The following RBFOX1 variants were observed in gnomAD, a reference collection of about 807,000 sequenced individuals.
The protein encoded by RBFOX1 is RNA binding protein fox-1 homolog 1.
Under a neutral mutation model 57.7 loss-of-function variants are expected in RBFOX1, and 8 were observed. The ratio of observed to expected loss-of-function variants is 0.14; its 90% confidence interval spans 0.08 to 0.25. RBFOX1 has a LOEUF of 0.25. Among genes scored for constraint, RBFOX1 ranks in the 10% least tolerant of loss-of-function variants. The pLI is 1.00. For missense variants in RBFOX1, 611 were observed against 548.5 expected (o/e 1.11, Z -1.14); for synonymous variants, 326 against 222.4 (o/e 1.47, Z -4.15).
At chr16:5,444,718 G>A (rs2068189248) in intron 1 of RBFOX1, among the ~76,000 whole-genome samples, 1 of 152,138 alleles carries the variant, frequency 6.6e-6, no homozygotes, top group Admixed American at 6.5e-5. Flanking sequence ...ATGAGGAAGA[G>A]AACAGTCACC....
chr16:7,137,545 G>A (rs375199629), intron 4 of RBFOX1, among the ~76,000 whole-genome samples: 1 of 152,152 alleles, frequency 6.6e-6, no homozygotes, highest in Non-Finnish European at 1.5e-5. Flanking sequence ...CCCCAGCCAC[G>A]TGGAACTGTG....
chr16:7,608,192 C>A (rs2056726243), intron 10 of RBFOX1, among the ~76,000 whole-genome samples: 1 of 152,164 alleles, frequency 6.6e-6, no homozygotes, highest in African/African-American at 2.4e-5. Context: ...TAGAGCCACT[C>A]CCTTAGTAAC....
intron 1 of RBFOX1, among the ~76,000 whole-genome samples, chr16:6,204,185 C>G (rs1024169226): frequency 1.3e-5 from 2 of 152,116 alleles, no homozygotes; most frequent in East Asian, 1.9e-4. Flanking sequence ...CTCCCCTACC[C>G]TCACCTCATC....
At chr16:6,469,032 G>A (rs1364947110) in intron 2 of RBFOX1, among the ~76,000 whole-genome samples, 1 of 151,972 alleles carries the variant, frequency 6.6e-6, no homozygotes, top group Non-Finnish European at 1.5e-5. Flanking sequence ...AGTGGTCAAG[G>A]CATTTTTTTC....
chr16:7,525,051 A>G (rs1287059515), intron 5 of RBFOX1, among the ~76,000 whole-genome samples: 1 of 152,146 alleles, frequency 6.6e-6, no homozygotes, highest in Non-Finnish European at 1.5e-5. Context: ...AGTTACTAAT[A>G]CCTTATATTT....
Position 7,702,772 on chromosome 16 carries a change from G to A in RBFOX1, c.996-6284G>A, listed in dbSNP as rs544635485. 6.6e-5 allele frequency among the ~76,000 whole-genome samples: 10 copies of A among 152,278 alleles called. No individual in the cohort carries two copies. In the South Asian group the frequency reaches 1.9e-3, roughly 28 times the overall value. Reference sequence around the variant, plus strand: ...TGTTCCAGATGCAGTTCCTCCGGATGGGCAAAAGCAACAACTCATTGGTAA... The same window carrying A: ...TGTTCCAGATGCAGTTCCTCCGGATAGGCAAAAGCAACAACTCATTGGTAA... On this transcript the variant is annotated intron_variant, in intron 14 of 15. Transcript: ENST00000550418.
intron 3 of RBFOX1, among the ~76,000 whole-genome samples, chr16:6,955,324 C>T (rs574302213): frequency 1.3e-5 from 2 of 149,464 alleles, no homozygotes; most frequent in East Asian, 2.0e-4. Flanking sequence ...TTTTCTCTTT[C>T]ACCTTTAAGC....
intron 4 of RBFOX1, among the ~76,000 whole-genome samples, chr16:7,090,752 G>A (rs540489931): frequency 2.6e-5 from 4 of 152,244 alleles, no homozygotes; most frequent in African/African-American, 9.6e-5. Flanking sequence ...ACTTGGCCAC[G>A]GTAGGAGGGG....
intron 2 of RBFOX1, among the ~76,000 whole-genome samples, chr16:6,565,838 G>A (rs938640022): frequency 2.6e-5 from 4 of 152,216 alleles, no homozygotes; most frequent in African/African-American, 9.6e-5. Flanking sequence ...GCAGCTATGT[G>A]AGGCTATCAA....
intron 3 of RBFOX1, among the ~76,000 whole-genome samples, chr16:6,657,339 C>T (rs944984983): frequency 1.3e-5 from 2 of 152,106 alleles, no homozygotes; most frequent in African/African-American, 4.8e-5. Context: ...GTTTTAGGAG[C>T]TTGCTTTATA....
chr16:6,170,885 C>G (rs906351362), intron 1 of RBFOX1, among the ~76,000 whole-genome samples: 1 of 152,144 alleles, frequency 6.6e-6, no homozygotes, highest in African/African-American at 2.4e-5. Flanking sequence ...ATAATGGCCT[C>G]CAGCTCCATC....
At chr16:6,767,950 GAAGAAGAAGAAGAAGAA>G (rs2077628114) in intron 3 of RBFOX1, among the ~76,000 whole-genome samples, 1 of 105,246 alleles carries the variant, frequency 9.5e-6, no homozygotes, top group African/African-American at 3.7e-5. Context: ...ATAATAATAA[GAAGAAGAAGAAGAAGAA>G]GAAGAAGAAG....
At chr16:7,127,456 GA>G (rs1567364525) in intron 4 of RBFOX1, among the ~76,000 whole-genome samples, 1 of 152,130 alleles carries the variant, frequency 6.6e-6, no homozygotes. Flanking sequence ...TCAAGGTAGG[GA>G]GAAATAAATA....
intron 3 of RBFOX1, among the ~76,000 whole-genome samples, chr16:6,982,061 C>T (rs762698452): frequency 1.2e-4 from 18 of 152,156 alleles, no homozygotes; most frequent in Non-Finnish European, 2.4e-4. Flanking sequence ...CGTAGTTTTT[C>T]ATGATATACT....
intron 2 of RBFOX1, among the ~76,000 whole-genome samples, chr16:6,595,818 A>G (rs1461621964): frequency 6.6e-6 from 1 of 152,184 alleles, no homozygotes. Context: ...GGCATTAAGC[A>G]TCTTTTTAAT....
At chr16:6,951,025 CCT>C (rs1171405395) in intron 3 of RBFOX1, among the ~76,000 whole-genome samples, 4 of 152,040 alleles carry the variant, frequency 2.6e-5, no homozygotes, top group African/African-American at 9.7e-5. Flanking sequence ...CCCACCTCTG[CCT>C]CTCGAGTAGG....
intron 3 of RBFOX1, among the ~76,000 whole-genome samples, chr16:5,703,078 G>A (rs2051109556): frequency 6.6e-6 from 1 of 152,156 alleles, no homozygotes; most frequent in African/African-American, 2.4e-5. Flanking sequence ...GCACTAAGAA[G>A]ATGATGATGA....
rs1491349866 is a variant in RBFOX1 at position 6,988,747 on chromosome 16, G to GTT, written c.-15-63308_-15-63307dup. The stretch of plus-strand genomic sequence containing the variant: ...ACCCAGCTAATTTTTTTTTTTGTTT[G>GTT]TTTGTTTTTTGTTTTTTGTTTTTTG... On this transcript the variant is annotated intron_variant, in intron 3 of 15. Transcript: ENST00000550418. Among the ~76,000 whole-genome samples the GTT allele has an allele frequency of 2.2e-4, 22 of 101,386 alleles. 1 individual carries two copies. Among genetic ancestry groups the GTT allele is most frequent in the African/African-American group, 9.1e-4 (22 of 24,192 alleles). 66.5% of individuals were successfully genotyped at this position (101,386 alleles called of 152,430 possible).
intron 4 of RBFOX1, among the ~76,000 whole-genome samples, chr16:6,010,349 G>A (rs1397400817): frequency 1.3e-5 from 2 of 152,196 alleles, no homozygotes; most frequent in East Asian, 1.9e-4. Flanking sequence ...TTGCCCCGGG[G>A]TGGGGTTGGG....
Sources: gnomAD v4.1 joint callset for allele counts (sites outside exome capture counted in the v4.1 genomes callset) on GRCh38, gnomAD v4.1.1 for gene constraint, MANE v1.5 for transcripts, NCBI Gene and HGNC (gene_info 2026-07-23, HGNC 2026-07-21) for gene names.